Variants in MIB2 observed in about 807,000 individuals in gnomAD.
MIB2 encodes MIB E3 ubiquitin protein ligase 2, also known as E3 ubiquitin-protein ligase MIB2.
Under a neutral mutation model 96.6 loss-of-function variants are expected in MIB2, and 78 were observed. The observed-to-expected ratio is 0.81, with a 90% CI of 0.67 to 0.97. The LOEUF (loss-of-function observed/expected upper bound fraction) is 0.97. Among genes scored for constraint, MIB2 ranks in the 50% least tolerant of loss-of-function variants. MIB2 has a pLI of 0.00. For missense variants in MIB2, 1,543 were observed against 1,424.0 expected (o/e 1.08, Z -1.35); for synonymous variants, 820 against 629.5 (o/e 1.30, Z -4.53).
chr1:1,629,396 C>A lies in MIB2; in HGVS notation c.2393C>A (p.Ala798Glu). ...TCCTCCCCCTGCAGGGAGCGGCAGG[C>A]GGGCGGGGGCGCGGCCCCGGGCCCC... is the stretch of plus-strand genomic sequence containing the variant. Reference protein sequence around the residue: ...GCAQRFRERQAGGGAAPGPRQ... With the variant: ...GCAQRFRERQEGGGAAPGPRQ... Residue 798 changes from alanine (A) to glutamate (E), a missense_variant, in exon 18 of 20, where the codon GCG becomes GAG. Transcript: ENST00000355826. 2 of 1,440,408 alleles carry A rather than the reference C, an allele frequency of 1.4e-6. No individual in the cohort carries two copies. Among genetic ancestry groups the A allele is most frequent in the East Asian group, 2.8e-5 (1 of 35,364 alleles). 89.2% of individuals were successfully genotyped at this position (1,440,408 alleles called of 1,614,324 possible).
Position 1,625,200 on chromosome 1 carries a change from C to T in MIB2, c.721+15C>T, listed in dbSNP as rs772096260. 1.2e-6 allele frequency: 2 copies of T among 1,604,788 alleles called. No homozygotes were observed. The highest frequency in any genetic ancestry group is 1.3e-5 in the African/African-American group (1 of 74,926). ...CCCAAGGCTCGGTATGAGGCTGTCA[C>T]ACTGACTCCATCAGCCCTCCTGCCT... On this transcript the variant is annotated intron_variant, in intron 6 of 19. Transcript: ENST00000355826. This position sits in a 1 kb window ranked among gnomAD's most constrained non-coding sequence, Gnocchi z 5.0.
chr1:1,626,518 G>A lies in MIB2; in HGVS notation c.973-132G>A. 1 of 726,214 alleles carries A rather than the reference G, an allele frequency of 1.4e-6. No individual in the cohort carries two copies. The highest frequency in any genetic ancestry group is 2.2e-6 in the Non-Finnish European group (1 of 452,982). 45.0% of individuals were successfully genotyped at this position (726,214 alleles called of 1,614,324 possible). On this transcript the variant is annotated intron_variant, in intron 8 of 19. Coordinates refer to ENST00000355826, the MANE Select transcript of MIB2 (RefSeq NM_001170687.4). The surrounding 1 kb of genome is among the most constrained non-coding windows in gnomAD (Gnocchi z 5.3). ...CAGCCAGAGCCTCTGGCAGTGCCTG[G>A]GGTCGGGGTCGGGGCCGGGGCCGAG...
At position 1,629,708 on chromosome 1, in the gene MIB2, G is replaced by A. The variant is rs1437875174; in HGVS notation, c.2629+4G>A. ...GTCAGCAAGAAACTGCGCCCAGGTG[G>A]GTGAGGCTCTGCGCCCCCAACACGC... On this transcript the variant is annotated splice_donor_region_variant and intron_variant, in intron 19 of 19. Transcript: ENST00000355826. 3.1e-6 allele frequency: 5 copies of A among 1,587,716 alleles called. No homozygotes were observed. The highest frequency in any genetic ancestry group is 4.3e-6 in the Non-Finnish European group (5 of 1,168,062).
intron 1 of MIB2, chr1:1,615,863 G>A (rs1643581692): frequency 8.6e-7 from 1 of 1,163,686 alleles, no homozygotes. Context: ...CCAGCTCCCG[G>A]CAGGCCTCGC....
upstream of MIB2, chr1:1,615,472 C>T (rs1375219542): frequency 3.3e-6 from 5 of 1,519,896 alleles, no homozygotes; most frequent in Non-Finnish European, 3.5e-6. Flanking sequence ...GGCGGGGGCG[C>T]TCCGGCGGGG....
Position 1,623,953 on chromosome 1 carries a change from C to T in MIB2, c.419+8C>T, listed in dbSNP as rs765464460. On this transcript the variant is annotated splice_region_variant and intron_variant, in intron 4 of 19. Transcript: ENST00000355826. ...GACCGCTCACTCGCGCCCGTGAGTC[C>T]CGGGCCGCACCGGCTCCTGTGCGGC... 4 of 1,596,934 alleles carry T rather than the reference C, an allele frequency of 2.5e-6. No homozygotes were observed. The South Asian group carries it at 3.3e-5, about 13-fold the overall frequency.
chr1:1,622,619 G>A (rs913722522), intron 2 of MIB2, among the ~76,000 whole-genome samples: 3 of 152,210 alleles, frequency 2.0e-5, no homozygotes, highest in East Asian at 1.9e-4. Context: ...TCTGTGTGGC[G>A]AGTGGGTCCC....
rs373112661 is a variant in MIB2 at position 1,623,703 on chromosome 1, C to T, written c.247+4C>T. The T allele has an allele frequency of 3.9e-6, 6 of 1,521,348 alleles. No individual in the cohort carries two copies. Among genetic ancestry groups the T allele is most frequent in the Admixed American group, 2.0e-5 (1 of 48,788 alleles). 94.2% of individuals were successfully genotyped at this position (1,521,348 alleles called of 1,614,324 possible). A position where few individuals can be genotyped will look rare whatever the true frequency, so the allele number is the denominator to read the frequency against. ...CTGTACGACAACGCCCAGATCGGTG[C>T]GCGCCAAGGGCAGGCGGGACGGGCA... On this transcript the variant is annotated splice_donor_region_variant and intron_variant, in intron 3 of 19. Transcript: ENST00000355826.
Position 1,629,319 on chromosome 1 carries a change from C to A in MIB2, c.2381+8C>A. On this transcript the variant is annotated splice_region_variant and intron_variant, in intron 17 of 19. Coordinates refer to ENST00000355826, the MANE Select transcript of MIB2 (RefSeq NM_001170687.4). Reference sequence around the variant, plus strand: ...CTGCGCCCAGCGCTTCCGGTGAGTCCGTGGACGGCGGGGATGGGGTCCGGC... The same window carrying A: ...CTGCGCCCAGCGCTTCCGGTGAGTCAGTGGACGGCGGGGATGGGGTCCGGC... 6.8e-7 allele frequency: 1 copy of A among 1,476,706 alleles called. No homozygotes were observed. Among genetic ancestry groups the A allele is most frequent in the East Asian group, 2.6e-5 (1 of 37,762 alleles). The allele number at this position is 1,476,706 out of a possible 1,614,324, so 91.5% of individuals were successfully genotyped here.
Position 1,623,517 on chromosome 1 carries a change from A to T in MIB2, c.65A>T (p.Lys22Met), listed in dbSNP as rs766011563. 2 of 1,557,808 alleles carry T rather than the reference A, an allele frequency of 1.3e-6. No homozygotes were observed. Among genetic ancestry groups the T allele is most frequent in the Non-Finnish European group, 1.7e-6 (2 of 1,154,902 alleles). Residue 22 changes from lysine to methionine, a missense_variant, in exon 3 of 20, where the codon AAG (lysine) becomes ATG (methionine). Coordinates refer to ENST00000355826, the MANE Select transcript of MIB2 (RefSeq NM_001170687.4). ...GMRVVRGVDW[K>M]WGQQDGGEGG... The stretch of plus-strand genomic sequence containing the variant: ...CGGGTGGTGCGCGGCGTGGACTGGA[A>T]GTGGGGCCAGCAGGACGGCGGCGAG...
chr1:1,623,611 C>T lies in MIB2; in HGVS notation c.159C>T (p.Val53=), dbSNP rs1175258351. ...CCTCGACACCCGACCGCACAGTGGT[C>T]GTGCAGTGGGACCAGGGCACGCGCA... The part of the protein sequence containing the change: ...GSPSTPDRTV[V]VQWDQGTRTN... Residue 53 remains valine (V), a synonymous_variant, in exon 3 of 20, where the codon GTC becomes GTT. Transcript: ENST00000355826. The T allele has an allele frequency of 2.0e-5, 30 of 1,496,116 alleles. No individual in the cohort carries two copies. The East Asian group carries it at 2.2e-4, about 11-fold the overall frequency. 92.7% of individuals were successfully genotyped at this position (1,496,116 alleles called of 1,614,324 possible).
At chr1:1,624,633 G>A in intron 4 of MIB2, 162 bp from the exon 5 acceptor site, 1 of 713,066 alleles carries the variant, frequency 1.4e-6, no homozygotes, top group Non-Finnish European at 2.5e-6. Context: ...GGAGGATGCT[G>A]ACCTGCTGGA....
intron 4 of MIB2, chr1:1,624,293 G>C: frequency 2.5e-6 from 1 of 406,860 alleles, no homozygotes; most frequent in Non-Finnish European, 4.5e-6. Flanking sequence ...TTGGGGCAAG[G>C]ACAGCCAGAG....
At chr1:1,621,413 C>T (rs894006474) in intron 2 of MIB2, among the ~76,000 whole-genome samples, 1 of 152,248 alleles carries the variant, frequency 6.6e-6, no homozygotes, top group East Asian at 1.9e-4. Flanking sequence ...GCCCACGGGA[C>T]CCCTCTCCTT....
At chr1:1,614,279 C>A (rs1344807083), upstream of MIB2, 1 of 152,210 alleles carries the variant, frequency 6.6e-6, no homozygotes, top group Non-Finnish European at 1.5e-5. Context: ...CAGGCCTCCT[C>A]ACAAGACGCT....
intron 2 of MIB2, among the ~76,000 whole-genome samples, chr1:1,619,525 C>T (rs1036545569): frequency 1.8e-4 from 27 of 152,216 alleles, no homozygotes; most frequent in Admixed American, 1.0e-3. Context: ...TCAGATGAGG[C>T]GGCCACTCCA....
At position 1,616,756 on chromosome 1, in the gene MIB2, C is replaced by T. The variant is rs998618565; in HGVS notation, c.-23+142C>T. ...GGGAGTGGTGAGTAATCCCGCGTCT[C>T]CTCTCTGAGTTCGGAACCCATGGAG... On this transcript the variant is annotated intron_variant, in intron 2 of 19. Coordinates refer to ENST00000355826, the MANE Select transcript of MIB2 (RefSeq NM_001170687.4). 3 of 647,760 alleles carry T rather than the reference C, an allele frequency of 4.6e-6. No homozygotes were observed. In the African/African-American group the frequency reaches 5.8e-5, roughly 13 times the overall value. The allele number at this position is 647,760 out of a possible 1,614,324, so 40.1% of individuals were successfully genotyped here. A position where few individuals can be genotyped will look rare whatever the true frequency, so the allele number is the denominator to read the frequency against.
At position 1,628,693 on chromosome 1, in the gene MIB2, G is replaced by A. The variant is rs199708127; in HGVS notation, c.2173G>A (p.Asp725Asn). 3.8e-6 allele frequency: 6 copies of A among 1,564,870 alleles called. No homozygotes were observed. Among genetic ancestry groups the A allele is most frequent in the Non-Finnish European group, 4.3e-6 (5 of 1,156,678 alleles). Reference sequence around the variant, plus strand: ...CCTGGTGGCTGATGGGGCCGGGGGGGACCCAGGGCCCTTGCAGCTGCTGTC... The same window carrying A: ...CCTGGTGGCTGATGGGGCCGGGGGGAACCCAGGGCCCTTGCAGCTGCTGTC... ...LPLVADGAGG[D>N]PGPLQLLSRL... The change falls in exon 16 of 20, where the codon GAC (aspartate) becomes AAC (asparagine). Residue 725 changes from aspartate (D) to asparagine (N), a missense_variant. Coordinates refer to ENST00000355826, the MANE Select transcript of MIB2 (RefSeq NM_001170687.4).
At chr1:1,621,321 C>T (rs1644243776) in intron 2 of MIB2, among the ~76,000 whole-genome samples, 2 of 152,248 alleles carry the variant, frequency 1.3e-5, no homozygotes, top group South Asian at 2.1e-4. Flanking sequence ...GTGGAAGCCG[C>T]TCATGCGGAG....
Sources: gnomAD v4.1 joint callset for allele counts (sites outside exome capture counted in the v4.1 genomes callset) on GRCh38, gnomAD v4.1.1 for gene constraint, Gnocchi (gnomAD v3.1) non-coding constraint, MANE v1.5 for transcripts, NCBI Gene and HGNC (gene_info 2026-07-23, HGNC 2026-07-21) for gene names.